The following JMY variants were observed in gnomAD, a reference collection of about 807,000 sequenced individuals.
JMY encodes the protein junction-mediating and -regulatory protein.
Under a neutral mutation model 103.3 loss-of-function variants are expected in JMY, and 46 were observed. The ratio of observed to expected loss-of-function variants is 0.45; its 90% CI spans 0.35 to 0.57. The LOEUF is 0.57. Among genes scored for constraint, JMY ranks in the 20% least tolerant of loss-of-function variants. The pLI is 0.00. For synonymous variants in JMY, 526 were observed against 489.3 expected (o/e 1.07, Z -0.99); for missense variants, 1,238 against 1,255.2 (o/e 0.99, Z 0.21).
At chr5:79,263,663 G>A (rs1745493073) in intron 1 of JMY, among the ~76,000 whole-genome samples, 1 of 151,742 alleles carries the variant, frequency 6.6e-6, no homozygotes, top group South Asian at 2.1e-4. Context: ...GTAGGTGTGA[G>A]CCACCGCCTG....
chr5:79,325,925 G>A lies in JMY; in HGVS notation c.*4323G>A, dbSNP rs1580383644. The stretch of plus-strand genomic sequence containing the variant: ...GAATGTATGAAAAGTTTCCCCATTG[G>A]GTTATTCTTAAGATGTGTTTATTGT... On this transcript the variant is annotated 3_prime_UTR_variant, in exon 11 of 11. Coordinates refer to ENST00000396137, the MANE Select transcript of JMY (RefSeq NM_152405.5). The A allele has an allele frequency of 6.6e-6, 1 of 152,136 alleles. No individual in the cohort carries two copies. The allele number at this position is 152,136 out of a possible 1,614,324, so 9.4% of individuals were successfully genotyped here. A position where few individuals can be genotyped will look rare whatever the true frequency, so the allele number is the denominator to read the frequency against.
At chr5:79,252,277 C>A (rs1745110254) in intron 1 of JMY, among the ~76,000 whole-genome samples, 1 of 149,808 alleles carries the variant, frequency 6.7e-6, no homozygotes, top group East Asian at 1.9e-4. Flanking sequence ...TTCCATAATT[C>A]CTCTTGTTAG....
chr5:79,304,341 C>G (rs1204881962), intron 6 of JMY, among the ~76,000 whole-genome samples: 1 of 152,070 alleles, frequency 6.6e-6, no homozygotes, highest in African/African-American at 2.4e-5. Flanking sequence ...TAACATAATC[C>G]TATATTCCCT....
At chr5:79,278,704 A>AT (rs1292624688) in intron 2 of JMY, among the ~76,000 whole-genome samples, 2 of 150,522 alleles carry the variant, frequency 1.3e-5, no homozygotes, top group African/African-American at 4.9e-5. Flanking sequence ...CCAGGAGGTC[A>AT]TGGCTGCAAT....
At chr5:79,240,006 T>C (rs1379903432) in intron 1 of JMY, among the ~76,000 whole-genome samples, 2 of 151,708 alleles carry the variant, frequency 1.3e-5, no homozygotes, top group African/African-American at 4.8e-5. Flanking sequence ...AACAGAAAAT[T>C]ATACTTTTTT....
At chr5:79,283,524 G>C (rs1156508776) in intron 2 of JMY, among the ~76,000 whole-genome samples, 1 of 152,046 alleles carries the variant, frequency 6.6e-6, no homozygotes, top group East Asian at 1.9e-4. Flanking sequence ...TAAGTATTAA[G>C]CAGCTCCTGC....
intron 2 of JMY, among the ~76,000 whole-genome samples, chr5:79,279,293 C>T (rs1746041218): frequency 6.6e-6 from 1 of 152,076 alleles, no homozygotes; most frequent in African/African-American, 2.4e-5. Flanking sequence ...GAGATTGCAC[C>T]ACTGCACTCC....
chr5:79,270,296 T>G (rs1745707371), intron 1 of JMY, among the ~76,000 whole-genome samples: 1 of 145,178 alleles, frequency 6.9e-6, no homozygotes, highest in Admixed American at 6.9e-5. Flanking sequence ...AAATATATAT[T>G]TACATAAATA....
intron 1 of JMY, among the ~76,000 whole-genome samples, chr5:79,269,502 A>G (rs575942182): frequency 2.6e-5 from 4 of 152,292 alleles, no homozygotes; most frequent in Non-Finnish European, 4.4e-5. Context: ...TTAGGATTGC[A>G]TTGAATTTAT....
chr5:79,312,473 TG>T lies in JMY; in HGVS notation c.2041del (p.Asp681IlefsTer23). 6.4e-7 allele frequency: 1 copy of T among 1,570,146 alleles called. No homozygotes were observed. Among genetic ancestry groups the T allele is most frequent in the South Asian group, 1.2e-5 (1 of 81,790 alleles). ...GTTAGCCAAGAGAGACAGAGAACACTGGATAGACTTCGAACATTTAAACAGG... is the reference window on the plus strand; with the variant it reads ...GTTAGCCAAGAGAGACAGAGAACACTGATAGACTTCGAACATTTAAACAGG... ...AWVSQERQRT[L>X]DRLRTFKQRY... On this transcript the variant is annotated frameshift_variant, in exon 8 of 11. Coordinates refer to ENST00000396137, the MANE Select transcript of JMY (RefSeq NM_152405.5). LOFTEE classifies it high-confidence loss of function.
rs759076540 is a variant in JMY, at chr5:79,237,583, C to G, written c.933C>G (p.Thr311=). ...GWKILSQVLF[T]ETDDPEEYYE... is the part of the protein sequence containing the mutation. ...AGATCCTCTCCCAGGTGCTCTTCACCGAGACCGATGATCCCGAGGAGTATT... is the reference window on the plus strand; with the variant it reads ...AGATCCTCTCCCAGGTGCTCTTCACGGAGACCGATGATCCCGAGGAGTATT... The change falls in exon 1 of 11, where the codon ACC becomes ACG. Residue 311 remains threonine, a synonymous_variant. Transcript: ENST00000396137. The G allele has an allele frequency of 1.2e-6, 2 of 1,613,592 alleles. No individual in the cohort carries two copies. The highest frequency in any genetic ancestry group is 1.7e-6 in the Non-Finnish European group (2 of 1,180,032).
chr5:79,261,418 A>G (rs2591388), intron 1 of JMY, among the ~76,000 whole-genome samples: 53,281 of 151,980 alleles, frequency 0.35, 9,816 homozygotes, highest in South Asian at 0.54. Flanking sequence ...TTAGCCAGGC[A>G]TAGTGGCACG....
At chr5:79,307,973 G>A (rs556357543) in intron 7 of JMY, among the ~76,000 whole-genome samples, 1 of 152,276 alleles carries the variant, frequency 6.6e-6, no homozygotes, top group East Asian at 1.9e-4. Flanking sequence ...CTGACCTCAA[G>A]TGATCTGCCC....
chr5:79,284,147 G>T, intron 2 of JMY: 1 of 1,556,272 alleles, frequency 6.4e-7, no homozygotes, highest in Non-Finnish European at 8.7e-7. Context: ...CAGATTCTTG[G>T]ACTGGTGGTT....
intron 1 of JMY, among the ~76,000 whole-genome samples, chr5:79,243,844 T>A (rs1744810748): frequency 6.6e-6 from 1 of 152,176 alleles, no homozygotes; most frequent in African/African-American, 2.4e-5. Flanking sequence ...GAAAAATGGA[T>A]ATATGCTTCT....
At chr5:79,304,024 C>T (rs760799510) in intron 6 of JMY, among the ~76,000 whole-genome samples, 3 of 152,024 alleles carry the variant, frequency 2.0e-5, no homozygotes, top group Non-Finnish European at 4.4e-5. Context: ...AACTTAATAC[C>T]GGCTTAATAC....
At chr5:79,293,612 A>G (rs1362015163) in intron 4 of JMY, among the ~76,000 whole-genome samples, 1 of 152,098 alleles carries the variant, frequency 6.6e-6, no homozygotes. Flanking sequence ...TTGCCCCTTT[A>G]AGAATATGAC....
At chr5:79,294,750 C>T (rs1466005779) in intron 4 of JMY, among the ~76,000 whole-genome samples, 2 of 151,474 alleles carry the variant, frequency 1.3e-5, no homozygotes, top group South Asian at 2.1e-4. Context: ...CCCAGCTACT[C>T]GGGAGGCTGA....
intron 7 of JMY, among the ~76,000 whole-genome samples, chr5:79,307,660 C>G (rs1746927243): frequency 6.6e-6 from 1 of 152,130 alleles, no homozygotes; most frequent in African/African-American, 2.4e-5. Context: ...TAAATAGATA[C>G]ATATACAGAG....
Sources: gnomAD v4.1 joint callset for allele counts (sites outside exome capture counted in the v4.1 genomes callset) on GRCh38, gnomAD v4.1.1 for gene constraint, MANE v1.5 for transcripts, NCBI Gene and HGNC (gene_info 2026-07-23, HGNC 2026-07-21) for gene names.